The following TEX2 variants were observed in gnomAD, a reference collection of about 807,000 sequenced individuals.
TEX2 encodes testis expressed 2, also known as testis-expressed protein 2.
A neutral mutation model predicts 106.9 loss-of-function variants in TEX2; 53 were observed. The observed-to-expected ratio is 0.50, with a 90% CI of 0.40 to 0.62. The LOEUF is 0.62. TEX2 is among the 20% of genes least tolerant of loss of function. The pLI is 0.00. For missense variants in TEX2, 1,207 were observed against 1,379.0 expected (o/e 0.88, Z 1.98); for synonymous variants, 523 against 534.8 (o/e 0.98, Z 0.30).
intron 9 of TEX2, among the ~76,000 whole-genome samples, chr17:64,154,564 G>C (rs1357365174): frequency 6.6e-6 from 1 of 152,168 alleles, no homozygotes; most frequent in Non-Finnish European, 1.5e-5. Flanking sequence ...TGAAGGCTCA[G>C]GGAGATGCTT....
intron 1 of TEX2, among the ~76,000 whole-genome samples, chr17:64,250,660 C>T (rs991463238): frequency 6.6e-6 from 1 of 152,114 alleles, no homozygotes; most frequent in Non-Finnish European, 1.5e-5. Flanking sequence ...CCTACAACAA[C>T]ATAACTTGCT....
chr17:64,235,366 A>T (rs782756964), intron 1 of TEX2, among the ~76,000 whole-genome samples: 4 of 152,226 alleles, frequency 2.6e-5, no homozygotes, highest in Non-Finnish European at 5.9e-5. Context: ...AGCCAACAGA[A>T]GCTTTCTGCA....
chr17:64,190,508 C>G (rs2143877710), intron 4 of TEX2, among the ~76,000 whole-genome samples: 1 of 152,320 alleles, frequency 6.6e-6, no homozygotes, highest in South Asian at 2.1e-4. Context: ...CCTACGAGGC[C>G]TGGCTGGTGC....
At chr17:64,207,893 G>A (rs901388543) in intron 2 of TEX2, among the ~76,000 whole-genome samples, 3 of 152,066 alleles carry the variant, frequency 2.0e-5, no homozygotes, top group Non-Finnish European at 4.4e-5. Context: ...CCGCCACCAC[G>A]CCCAGCTAAT....
chr17:64,165,756 T>G (rs2031103797), intron 7 of TEX2, among the ~76,000 whole-genome samples: 1 of 152,184 alleles, frequency 6.6e-6, no homozygotes, highest in African/African-American at 2.4e-5. Flanking sequence ...ACACTGGATG[T>G]GAAGGCACCA....
intron 2 of TEX2, among the ~76,000 whole-genome samples, chr17:64,197,519 C>T (rs1598168276): frequency 1.3e-5 from 2 of 152,124 alleles, no homozygotes; most frequent in South Asian, 2.1e-4. Flanking sequence ...TCTTTCTTTT[C>T]GTATGTATGT....
rs782563971 is a variant in TEX2 at position 64,213,902 on chromosome 17, T to C, written c.316A>G (p.Ile106Val). Residue 106 changes from isoleucine (I) to valine (V), a missense_variant, in exon 2 of 12, where the codon ATT becomes GTT. Physicochemically the swap from Ile to Val is conservative, Grantham distance 29. Coordinates refer to ENST00000584379, the MANE Select transcript of TEX2 (RefSeq NM_001288732.2). The surrounding 1 kb of genome is among the most constrained non-coding windows in gnomAD (Gnocchi z 4.4). ...ACAGTGTTCTTGGAGACGGGCAAAA[T>C]GGCAGGGGCCTGGGACACGGACAGT... ...DGLSVSQAPAILPVSKNTVKL... is the reference protein window; with the variant it reads ...DGLSVSQAPAVLPVSKNTVKL... 5.0e-6 allele frequency: 8 copies of C among 1,613,974 alleles called. No individual in the cohort carries two copies. The highest frequency in any genetic ancestry group is 4.0e-5 in the African/African-American group (3 of 74,894).
In TEX2 at chr17:64,179,902, T is replaced by C. The variant is rs184554578; in HGVS notation, c.2425-2431A>G. On this transcript the variant is annotated intron_variant, in intron 5 of 11. Transcript: ENST00000584379. ...TCGAGTGCTGTGACGTTTTCTGTCA[T>C]TAACCAAGACATTTTCCACCACTAG... is the stretch of plus-strand genomic sequence containing the variant. Among the ~76,000 whole-genome samples the C allele has an allele frequency of 1.7e-4, 26 of 152,342 alleles. No individual in the cohort carries two copies. The East Asian group carries it at 5.0e-3, about 29-fold the overall frequency.
In TEX2 at chr17:64,153,936, AAAAC is replaced by A. The variant is rs370911583; in HGVS notation, c.2931-786_2931-783del. Among the ~76,000 whole-genome samples the A allele has an allele frequency of 7.9e-4, 120 of 152,312 alleles. 1 individual carries two copies. Among genetic ancestry groups the A allele is most frequent in the African/African-American group, 2.6e-3 (107 of 41,558 alleles). Reference sequence around the variant, plus strand: ...TGACAGAGCAAGATGCTGTCTCAAGAAAACAAACAAACAAACAAAATGCTACACC... The same window carrying A: ...TGACAGAGCAAGATGCTGTCTCAAGAAAACAAACAAACAAAATGCTACACC... On this transcript the variant is annotated intron_variant, in intron 9 of 11. Transcript: ENST00000584379. This position sits in a 1 kb window ranked among gnomAD's most constrained non-coding sequence, Gnocchi z 4.1.
chr17:64,189,687 TA>T (rs1462003416), intron 4 of TEX2, among the ~76,000 whole-genome samples: 1 of 152,032 alleles, frequency 6.6e-6, no homozygotes, highest in Non-Finnish European at 1.5e-5. Flanking sequence ...GTAAAGTGGT[TA>T]AAATCAAACC....
intron 7 of TEX2, among the ~76,000 whole-genome samples, chr17:64,165,496 C>A (rs1422298918): frequency 6.6e-6 from 1 of 152,234 alleles, no homozygotes; most frequent in East Asian, 1.9e-4. Context: ...CTGGTCAGAG[C>A]CACTCCTATC....
In TEX2 at chr17:64,153,047, A is replaced by T. The variant is rs1209478716; in HGVS notation, c.3038T>A (p.Ile1013Asn). ...CAGGGGTGTGTTGGAGACTTCTTCG[A>T]TCTTCTTTTTAATAAACTCTGTCTC... ...ATETEFIKKK[I>N]EEVSNTPLLL... Residue 1013 changes from isoleucine (I) to asparagine (N), a missense_variant, in exon 10 of 12, where the codon ATC becomes AAC. By Grantham distance (149) the Ile-to-Asn change is moderately radical. This residue lies in a region of TEX2 where 63 missense variants were observed against 112.2 expected (regional missense o/e 0.56). Transcript: ENST00000584379. The surrounding 1 kb of genome is among the most constrained non-coding windows in gnomAD (Gnocchi z 4.1). 6.2e-7 allele frequency: 1 copy of T among 1,614,104 alleles called. No homozygotes were observed. Among genetic ancestry groups the T allele is most frequent in the Admixed American group, 1.7e-5 (1 of 60,020 alleles).
At chr17:64,184,671 G>A (rs970721581) in intron 5 of TEX2, among the ~76,000 whole-genome samples, 3 of 152,028 alleles carry the variant, frequency 2.0e-5, no homozygotes, top group Admixed American at 6.5e-5. Context: ...AAGGTTTATC[G>A]AACCCAAAGT....
chr17:64,211,425 C>T (rs1252498870), intron 2 of TEX2, among the ~76,000 whole-genome samples: 1 of 152,082 alleles, frequency 6.6e-6, no homozygotes, highest in Non-Finnish European at 1.5e-5. Flanking sequence ...TGGCTTTCCA[C>T]CTTATCTCTA....
chr17:64,211,093 T>C (rs1312110760), intron 2 of TEX2, among the ~76,000 whole-genome samples: 12 of 152,254 alleles, frequency 7.9e-5, no homozygotes, highest in African/African-American at 2.9e-4. Flanking sequence ...CCCAAGTAGC[T>C]GAGATTACAG....
chr17:64,242,699 T>A (rs1403376887), intron 1 of TEX2, among the ~76,000 whole-genome samples: 1 of 152,154 alleles, frequency 6.6e-6, no homozygotes, highest in Non-Finnish European at 1.5e-5. Flanking sequence ...ATCCAACATA[T>A]GCAGTTTTCA....
intron 4 of TEX2, among the ~76,000 whole-genome samples, chr17:64,189,579 G>A (rs1204231751): frequency 2.0e-5 from 3 of 152,120 alleles, no homozygotes; most frequent in African/African-American, 7.2e-5. Context: ...AGCCAACCTC[G>A]AATTTAATAT....
chr17:64,148,869 T>C lies in TEX2; in HGVS notation c.*100A>G, dbSNP rs2030194469. ...GCAGAAGCAGTCCTTTAAGAAACAG[T>C]AGCTGTGGCACAGAGGCCAGTGCTA... On this transcript the variant is annotated 3_prime_UTR_variant, in exon 12 of 12. Transcript: ENST00000584379. 6.9e-7 allele frequency: 1 copy of C among 1,457,068 alleles called. No individual in the cohort carries two copies. The highest frequency in any genetic ancestry group is 9.4e-7 in the Non-Finnish European group (1 of 1,067,604). 90.3% of individuals were successfully genotyped at this position (1,457,068 alleles called of 1,614,324 possible). A position where few individuals can be genotyped will look rare whatever the true frequency, so the allele number is the denominator to read the frequency against.
At chr17:64,252,746 GT>G (rs1247904902) in intron 1 of TEX2, among the ~76,000 whole-genome samples, 2 of 152,196 alleles carry the variant, frequency 1.3e-5, no homozygotes, top group East Asian at 3.9e-4. Context: ...ACGAAGCTAG[GT>G]ACTGGGTATA....
Sources: gnomAD v4.1 joint callset for allele counts (sites outside exome capture counted in the v4.1 genomes callset) on GRCh38, gnomAD v4.1.1 for gene constraint, gnomAD v4.1.1 regional missense constraint, Gnocchi (gnomAD v3.1) non-coding constraint, MANE v1.5 for transcripts, NCBI Gene and HGNC (gene_info 2026-07-23, HGNC 2026-07-21) for gene names.